GFI1B: variants seen among roughly 807,000 people sequenced by gnomAD.
GFI1B encodes the protein growth factor independent 1B transcriptional repressor.
Under a neutral mutation model 35.3 loss-of-function variants are expected in GFI1B, and 20 were observed. The ratio of observed to expected loss-of-function variants is 0.57; its 90% CI spans 0.40 to 0.82. GFI1B has a LOEUF of 0.82. Among genes scored for constraint, GFI1B ranks in the 40% least tolerant of loss-of-function variants. The probability of loss-of-function intolerance (pLI) is 0.00; values close to 1 mark genes in which losing one functional copy is unlikely to be tolerated. For synonymous variants in GFI1B, 178 were observed against 177.6 expected, an observed-to-expected ratio of 1.00 and a Z score of -0.02; for missense variants, 430 against 446.3, an observed-to-expected ratio of 0.96 and a Z score of 0.33.
chr9:132,963,739 A>G (rs1441589802), intron 1 of GFI1B: 1 of 152,158 alleles, frequency 6.6e-6, no homozygotes, highest in Non-Finnish European at 1.5e-5. Flanking sequence ...GATTAGTGTT[A>G]CAGTTCTTTT....
At chr9:132,974,495 G>A (rs549130178), upstream of GFI1B, among the ~76,000 whole-genome samples, 7 of 151,046 alleles carry the variant, frequency 4.6e-5, no homozygotes, top group South Asian at 2.1e-4. Context: ...CCAGCTACTC[G>A]GGAGGCTGAG....
rs1849228141 is a variant in GFI1B at position 132,989,908 on chromosome 9, G to A, written c.814+1G>A. 1 of 1,613,944 alleles carries A rather than the reference G, an allele frequency of 6.2e-7. No homozygotes were observed. Among genetic ancestry groups the A allele is most frequent in the Non-Finnish European group, 8.5e-7 (1 of 1,179,828 alleles). ...AAGAAGCACACCTACATCCACACAG[G>A]TGAGTGAGTCTCACCTGCCTGTGCC... On this transcript the variant is annotated splice_donor_variant, in intron 6 of 6. Transcript: ENST00000372122. LOFTEE classifies it high-confidence loss of function. The surrounding 1 kb of genome is among the most constrained non-coding windows in gnomAD (Gnocchi z 6.2).
Position 132,989,218 on chromosome 9 carries a change from C to G in GFI1B, c.648+20C>G. Reference sequence around the variant, plus strand: ...TCCCAGGTGGGCACCTGGCCCAGCGCAGGACTCCCAGCCCCACTCCTTCTC... The same window carrying G: ...TCCCAGGTGGGCACCTGGCCCAGCGGAGGACTCCCAGCCCCACTCCTTCTC... On this transcript the variant is annotated intron_variant, in intron 5 of 6. Coordinates refer to ENST00000372122, the MANE Select transcript of GFI1B (RefSeq NM_001377304.1). This position sits in a 1 kb window ranked among gnomAD's most constrained non-coding sequence, Gnocchi z 6.2. The G allele has an allele frequency of 6.2e-7, 1 of 1,605,720 alleles. No individual in the cohort carries two copies. The highest frequency in any genetic ancestry group is 1.3e-5 in the African/African-American group (1 of 74,954).
At chr9:132,950,828 GTTGT>G (rs1269660558) in intron 1 of GFI1B, among the ~76,000 whole-genome samples, 1 of 147,530 alleles carries the variant, frequency 6.8e-6, no homozygotes, top group Non-Finnish European at 1.5e-5. Flanking sequence ...GTTTTTTGTT[GTTGT>G]TGTTTGTTTG....
At chr9:132,988,761 C>T (rs1849175026) in intron 4 of GFI1B, among the ~76,000 whole-genome samples, 2 of 152,192 alleles carry the variant, frequency 1.3e-5, no homozygotes, top group Admixed American at 1.3e-4. Flanking sequence ...GCATTCAAAC[C>T]CAGCTTCGGC....
chr9:132,979,307 C>T (rs1052198004), intron 1 of GFI1B, among the ~76,000 whole-genome samples: 33 of 132,968 alleles, frequency 2.5e-4, no homozygotes, highest in Non-Finnish European at 4.3e-4. Context: ...CGCAGTGGTG[C>T]GATTGCACTG....
At chr9:132,978,084 AG>A (rs1422553272), upstream of GFI1B, among the ~76,000 whole-genome samples, 4 of 137,990 alleles carry the variant, frequency 2.9e-5, no homozygotes, top group Non-Finnish European at 6.3e-5. Context: ...CACAAGCCTC[AG>A]GGTGCTGAAC....
At chr9:132,976,145 G>A (rs1251134819), upstream of GFI1B, among the ~76,000 whole-genome samples, 1 of 152,256 alleles carries the variant, frequency 6.6e-6, no homozygotes, top group East Asian at 1.9e-4. Flanking sequence ...TGATACAGCC[G>A]CTTCCTATTA....
chr9:132,979,576 C>T (rs959152275), intron 1 of GFI1B, among the ~76,000 whole-genome samples: 2 of 152,150 alleles, frequency 1.3e-5, no homozygotes, highest in African/African-American at 4.8e-5. Context: ...GCGCTCTCCC[C>T]TCCAGAGCCT....
upstream of GFI1B, among the ~76,000 whole-genome samples, chr9:132,978,036 C>G (rs543395314): frequency 2.1e-5 from 3 of 145,024 alleles, no homozygotes; most frequent in East Asian, 6.8e-4. Context: ...TGCATGTGGC[C>G]GGCTCGGGTA....
chr9:132,989,845 A>G lies in GFI1B; in HGVS notation c.752A>G (p.Gln251Arg), dbSNP rs1302101616. ...IHSDTRPYPC[Q>R]FCGKRFHQKS... Reference sequence around the variant, plus strand: ...TCAGACACGCGGCCCTACCCCTGCCAGTTCTGCGGCAAGCGTTTCCACCAG... The same window carrying G: ...TCAGACACGCGGCCCTACCCCTGCCGGTTCTGCGGCAAGCGTTTCCACCAG... Residue 251 changes from glutamine to arginine, a missense_variant, in exon 6 of 7, where the codon CAG (glutamine) becomes CGG (arginine). Physicochemically the swap from Gln to Arg is conservative, Grantham distance 43. Transcript: ENST00000372122. The surrounding 1 kb of genome is among the most constrained non-coding windows in gnomAD (Gnocchi z 6.2). 1 of 1,614,202 alleles carries G rather than the reference A, an allele frequency of 6.2e-7. No individual in the cohort carries two copies. Among genetic ancestry groups the G allele is most frequent in the South Asian group, 1.1e-5 (1 of 91,078 alleles).
intron 1 of GFI1B, chr9:132,952,835 A>G (rs1389128169): frequency 3.9e-5 from 6 of 152,240 alleles, no homozygotes; most frequent in African/African-American, 1.4e-4. Context: ...CCTTTATCCA[A>G]TGCTTTTTCT....
intron 1 of GFI1B, among the ~76,000 whole-genome samples, chr9:132,955,256 A>G (rs1426190918): frequency 2.0e-5 from 3 of 151,786 alleles, no homozygotes; most frequent in Admixed American, 1.3e-4. Context: ...TTTGCTGGGT[A>G]TAGAATTCTA....
At chr9:132,982,978 C>T (rs1848882831) in intron 1 of GFI1B, among the ~76,000 whole-genome samples, 1 of 152,108 alleles carries the variant, frequency 6.6e-6, no homozygotes, top group Non-Finnish European at 1.5e-5. Flanking sequence ...GGCCAGGGCT[C>T]ATGAGCGCTA....
chr9:132,982,308 C>A (rs550497926), intron 1 of GFI1B, among the ~76,000 whole-genome samples: 1 of 152,288 alleles, frequency 6.6e-6, no homozygotes, highest in East Asian at 1.9e-4. Context: ...GTGGCTGATG[C>A]GGTCACAAGC....
intron 1 of GFI1B, among the ~76,000 whole-genome samples, chr9:132,950,738 G>T (rs764707899): frequency 7.6e-6 from 1 of 131,034 alleles, no homozygotes; most frequent in Non-Finnish European, 1.7e-5. Flanking sequence ...TACACTTTGG[G>T]TTTTTGAGAT....
chr9:132,977,509 A>G (rs1848666614), upstream of GFI1B, among the ~76,000 whole-genome samples: 2 of 152,184 alleles, frequency 1.3e-5, no homozygotes, highest in Admixed American at 1.3e-4. Context: ...CTGTCACCAG[A>G]CTTGTTTTCT....
chr9:132,981,995 C>T (rs1291027532), intron 1 of GFI1B, among the ~76,000 whole-genome samples: 7 of 152,140 alleles, frequency 4.6e-5, no homozygotes, highest in East Asian at 1.9e-4. Context: ...TCAGGTGATC[C>T]GCCTGCCTTG....
At chr9:132,960,657 C>A (rs1169483777) in intron 1 of GFI1B, among the ~76,000 whole-genome samples, 1 of 151,838 alleles carries the variant, frequency 6.6e-6, no homozygotes, top group African/African-American at 2.4e-5. Context: ...CCACTACACC[C>A]GGATACTTTT....
Sources: allele counts gnomAD v4.1 joint callset (sites outside exome capture counted in the v4.1 genomes callset), GRCh38; gene constraint gnomAD v4.1.1; non-coding constraint Gnocchi (gnomAD v3.1); transcripts MANE v1.5; gene names NCBI Gene and HGNC (gene_info 2026-07-23, HGNC 2026-07-21).